Variants in MOXD1 observed in about 807,000 individuals in gnomAD.
The protein encoded by MOXD1 is DBH-like monooxygenase protein 1.
A neutral mutation model predicts 66.6 loss-of-function variants in MOXD1; 62 were observed. That is an observed-to-expected ratio of 0.93 (90% CI 0.76 to 1.15). MOXD1 has a LOEUF of 1.15. Ranked by LOEUF, MOXD1 falls within the 50% of genes most tolerant of loss-of-function variation. MOXD1 has a pLI of 0.00. For synonymous variants in MOXD1, 303 were observed against 281.9 expected, an observed-to-expected ratio of 1.07 and a Z score of -0.75; for missense variants, 847 against 754.6, an observed-to-expected ratio of 1.12 and a Z score of -1.44.
intron 9 of MOXD1, among the ~76,000 whole-genome samples, chr6:132,316,145 T>C (rs1197769077): frequency 2.0e-5 from 3 of 149,280 alleles, no homozygotes; most frequent in Non-Finnish European, 4.4e-5. Flanking sequence ...CTTGTCTTCA[T>C]GTGTATAAAC....
intron 8 of MOXD1, among the ~76,000 whole-genome samples, chr6:132,321,968 A>G (rs1775086140): frequency 6.6e-6 from 1 of 152,130 alleles, no homozygotes; most frequent in African/African-American, 2.4e-5. Context: ...AGTTCATCCC[A>G]TCTAAAAACC....
At chr6:132,366,885 G>A (rs910969491) in intron 4 of MOXD1, among the ~76,000 whole-genome samples, 2 of 151,886 alleles carry the variant, frequency 1.3e-5, no homozygotes, top group East Asian at 1.9e-4. Flanking sequence ...ACAGTAATCT[G>A]GCTTCAAGGA....
chr6:132,339,459 C>G (rs1775505351), intron 4 of MOXD1, among the ~76,000 whole-genome samples: 1 of 152,202 alleles, frequency 6.6e-6, no homozygotes, highest in South Asian at 2.1e-4. Context: ...ATGCATCACA[C>G]ATGAATCTGA....
intron 1 of MOXD1, among the ~76,000 whole-genome samples, chr6:132,398,323 T>C (rs959877413): frequency 2.0e-5 from 3 of 152,188 alleles, no homozygotes; most frequent in Non-Finnish European, 2.9e-5. Context: ...AACACCCTTT[T>C]GAAAGAAGAG....
intron 4 of MOXD1, among the ~76,000 whole-genome samples, chr6:132,366,062 C>G (rs1393449492): frequency 6.6e-6 from 1 of 152,092 alleles, no homozygotes; most frequent in East Asian, 1.9e-4. Context: ...CAAGAATCAT[C>G]TATTTTATCA....
chr6:132,370,387 A>G (rs1776241419), intron 4 of MOXD1, among the ~76,000 whole-genome samples: 1 of 152,074 alleles, frequency 6.6e-6, no homozygotes, highest in African/African-American at 2.4e-5. Context: ...AGGCTGCCTT[A>G]AAACCACTTA....
intron 4 of MOXD1, among the ~76,000 whole-genome samples, chr6:132,370,606 T>C (rs952213431): frequency 6.6e-6 from 1 of 152,134 alleles, no homozygotes; most frequent in African/African-American, 2.4e-5. Flanking sequence ...ACCAAACCTC[T>C]GTCCCCTGTA....
At chr6:132,326,054 G>C (rs952406710) in intron 6 of MOXD1, among the ~76,000 whole-genome samples, 1 of 152,032 alleles carries the variant, frequency 6.6e-6, no homozygotes, top group Non-Finnish European at 1.5e-5. Context: ...GTTTGACAGG[G>C]AAAAAATATA....
At chr6:132,389,575 G>T (rs1031116224) in intron 1 of MOXD1, among the ~76,000 whole-genome samples, 1 of 151,546 alleles carries the variant, frequency 6.6e-6, no homozygotes, top group Non-Finnish European at 1.5e-5. Context: ...GACTGGTGGG[G>T]GATGGGGTTG....
rs757783336 is a variant in MOXD1, at chr6:132,320,668, C to G, written c.1326G>C (p.Glu442Asp). 2.5e-6 allele frequency: 4 copies of G among 1,611,052 alleles called. No homozygotes were observed. Among genetic ancestry groups the G allele is most frequent in the Non-Finnish European group, 3.4e-6 (4 of 1,178,566 alleles). Reference sequence around the variant, plus strand: ...CTCTATCTTTCGTGTTGTAGCGACACTCAGTAATTAGGTTATCTCCCTGAA... The same window carrying G: ...CTCTATCTTTCGTGTTGTAGCGACAGTCAGTAATTAGGTTATCTCCCTGAA... ...TILPGDNLITECRYNTKDRAE... is the reference protein window; with the variant it reads ...TILPGDNLITDCRYNTKDRAE... The change falls in exon 9 of 12, where the codon GAG (glutamate) becomes GAC (aspartate). Residue 442 changes from glutamate to aspartate, a missense_variant. Coordinates refer to ENST00000367963, the MANE Select transcript of MOXD1 (RefSeq NM_015529.4).
chr6:132,310,285 C>G (rs1174615000), intron 10 of MOXD1, among the ~76,000 whole-genome samples: 1 of 152,138 alleles, frequency 6.6e-6, no homozygotes, highest in African/African-American at 2.4e-5. Context: ...CAAACCAAAA[C>G]CACAAAGAGA....
Position 132,322,989 on chromosome 6 carries a change from G to C in MOXD1, c.1114-119C>G, listed in dbSNP as rs562628965. On this transcript the variant is annotated intron_variant, in intron 7 of 11. Transcript: ENST00000367963. Reference sequence around the variant, plus strand: ...AAAAGCTAAAGCAATTTAAATGAATGCTTGAACTGAAAAAGAGTTTGAATT... The same window carrying C: ...AAAAGCTAAAGCAATTTAAATGAATCCTTGAACTGAAAAAGAGTTTGAATT... The C allele has an allele frequency of 1.0e-5, 9 of 861,228 alleles. 1 individual carries two copies. In the South Asian group the frequency reaches 2.0e-4, roughly 19 times the overall value. The allele number at this position is 861,228 out of a possible 1,614,324, so 53.3% of individuals were successfully genotyped here. A position where few individuals can be genotyped will look rare whatever the true frequency, so the allele number is the denominator to read the frequency against.
intron 10 of MOXD1, among the ~76,000 whole-genome samples, chr6:132,299,298 A>G: frequency 6.6e-6 from 1 of 152,176 alleles, no homozygotes. Context: ...GAGGGAGACA[A>G]GAATGAAAAA....
chr6:132,328,232 C>T lies in MOXD1; in HGVS notation c.844-117G>A. The T allele has an allele frequency of 2.5e-6, 3 of 1,194,036 alleles. No individual in the cohort carries two copies. The South Asian group carries it at 4.4e-5, about 17-fold the overall frequency. 74.0% of individuals were successfully genotyped at this position (1,194,036 alleles called of 1,614,324 possible). ...AACCCTCTGGAACCCCATTCATCTA[C>T]AATTGATGAAATAAAATAAAAATGA... On this transcript the variant is annotated intron_variant, in intron 5 of 11. Transcript: ENST00000367963.
intron 4 of MOXD1, among the ~76,000 whole-genome samples, chr6:132,337,602 T>G (rs1277527219): frequency 6.6e-6 from 1 of 152,244 alleles, no homozygotes; most frequent in Non-Finnish European, 1.5e-5. Flanking sequence ...TAACATGTTA[T>G]GATTTACAGT....
At chr6:132,336,787 C>T (rs1775449305) in intron 4 of MOXD1, among the ~76,000 whole-genome samples, 1 of 152,158 alleles carries the variant, frequency 6.6e-6, no homozygotes, top group Non-Finnish European at 1.5e-5. Flanking sequence ...GAGGAGGCTT[C>T]TGGGAAATAA....
Position 132,328,012 on chromosome 6 carries a change from C to G in MOXD1, c.946+1G>C. On this transcript the variant is annotated splice_donor_variant, in intron 6 of 11. Transcript: ENST00000367963. LOFTEE classifies it high-confidence loss of function. Reference sequence around the variant, plus strand: ...GTAAAACATATGAATAATAAACTCACCTTCCTCATAAGTGGGATTATCATA... The same window carrying G: ...GTAAAACATATGAATAATAAACTCAGCTTCCTCATAAGTGGGATTATCATA... 1.2e-6 allele frequency: 2 copies of G among 1,607,026 alleles called. No homozygotes were observed. The highest frequency in any genetic ancestry group is 1.3e-5 in the African/African-American group (1 of 74,828).
At chr6:132,337,948 C>A (rs1016703118) in intron 4 of MOXD1, among the ~76,000 whole-genome samples, 3 of 151,992 alleles carry the variant, frequency 2.0e-5, no homozygotes, top group African/African-American at 4.8e-5. Flanking sequence ...TAGGAGTGTC[C>A]CAGAGGTCCC....
Position 132,297,033 on chromosome 6 carries a change from G to A in MOXD1, c.*120C>T. 1 of 986,150 alleles carries A rather than the reference G, an allele frequency of 1.0e-6. No individual in the cohort carries two copies. The highest frequency in any genetic ancestry group is 2.5e-5 in the East Asian group (1 of 40,684). 61.1% of individuals were successfully genotyped at this position (986,150 alleles called of 1,614,324 possible). A position where few individuals can be genotyped will look rare whatever the true frequency, so the allele number is the denominator to read the frequency against. On this transcript the variant is annotated 3_prime_UTR_variant, in exon 12 of 12. Transcript: ENST00000367963. ...ACATGGAAAGGAAAAAGGAGGGAGG[G>A]AAAATGGGGAAGAAAAGTCTCCACA... is the stretch of plus-strand genomic sequence containing the variant.
Sources: allele counts gnomAD v4.1 joint callset (sites outside exome capture counted in the v4.1 genomes callset), GRCh38; gene constraint gnomAD v4.1.1; transcripts MANE v1.5; gene names NCBI Gene and HGNC (gene_info 2026-07-23, HGNC 2026-07-21).